The following TMEM68 variants were observed in gnomAD, a reference collection of about 807,000 sequenced individuals.
TMEM68 encodes the protein DGAT1/2-independent enzyme synthesizing storage lipids.
In TMEM68, 25 loss-of-function variants were observed where a neutral mutation model predicts 36.9. The observed-to-expected ratio is 0.68, with a 90% CI of 0.49 to 0.95. The LOEUF (loss-of-function observed/expected upper bound fraction) is 0.95, where lower values mean the gene tolerates loss of function less well. TMEM68 is among the 40% of genes least tolerant of loss of function. The probability of loss-of-function intolerance (pLI) is 0.00; values close to 1 mark genes in which losing one functional copy is unlikely to be tolerated. For synonymous variants in TMEM68, 131 were observed against 124.4 expected, an observed-to-expected ratio of 1.05 and a Z score of -0.35; for missense variants, 333 against 392.0, an observed-to-expected ratio of 0.85 and a Z score of 1.27.
At chr8:55,771,255 C>G (rs190054280) in intron 1 of TMEM68, among the ~76,000 whole-genome samples, 23 of 151,876 alleles carry the variant, frequency 1.5e-4, no homozygotes, top group Non-Finnish European at 3.1e-4. Flanking sequence ...ATTTCAAAAA[C>G]TAATAAATCA....
intron 3 of TMEM68, among the ~76,000 whole-genome samples, chr8:55,760,225 AATC>A (rs1276290624): frequency 1.3e-5 from 2 of 152,272 alleles, no homozygotes; most frequent in Non-Finnish European, 2.9e-5. Context: ...CTCAGAGGAA[AATC>A]ACAGAAGTTG....
chr8:55,740,260 A>G lies in TMEM68; in HGVS notation c.889-42T>C, dbSNP rs201406889. 2.8e-6 allele frequency: 4 copies of G among 1,452,218 alleles called. No homozygotes were observed. The East Asian group carries it at 9.1e-5, about 33-fold the overall frequency. The allele number at this position is 1,452,218 out of a possible 1,614,324, so 90.0% of individuals were successfully genotyped here. A position where few individuals can be genotyped will look rare whatever the true frequency, so the allele number is the denominator to read the frequency against. ...AGAAAAGCTATTGTTAGTAGATCTTAATATAGACTGATTTATCTCCCATTA... is the reference window on the plus strand; with the variant it reads ...AGAAAAGCTATTGTTAGTAGATCTTGATATAGACTGATTTATCTCCCATTA... On this transcript the variant is annotated intron_variant, in intron 7 of 7. Transcript: ENST00000434581.
At chr8:55,752,920 G>A (rs971935289) in intron 4 of TMEM68, among the ~76,000 whole-genome samples, 5 of 151,620 alleles carry the variant, frequency 3.3e-5, no homozygotes, top group African/African-American at 4.8e-5. Context: ...TAGCAGAAAC[G>A]AGGTCTTGCT....
chr8:55,750,165 A>T (rs901101379), intron 5 of TMEM68, among the ~76,000 whole-genome samples: 7 of 152,148 alleles, frequency 4.6e-5, no homozygotes, highest in African/African-American at 1.7e-4. Flanking sequence ...CATTATATTG[A>T]TTATTCTTAA....
intron 4 of TMEM68, chr8:55,751,490 A>C (rs1406100178): frequency 2.3e-6 from 1 of 440,760 alleles, no homozygotes; most frequent in Non-Finnish European, 4.4e-6. Flanking sequence ...ATAGGATTCT[A>C]ATGGGATTCA....
At chr8:55,768,664 A>C (rs1811050893) in intron 1 of TMEM68, among the ~76,000 whole-genome samples, 1 of 151,732 alleles carries the variant, frequency 6.6e-6, no homozygotes, top group African/African-American at 2.4e-5. Context: ...TGGGCAACAC[A>C]GTGAAACCCC....
Position 55,740,635 on chromosome 8 carries a change from A to G in TMEM68, c.889-417T>C, listed in dbSNP as rs576710415. Reference sequence around the variant, plus strand: ...AAACACTAAAGGGGACTTAAAGAGGAAAAAAAATAGAAAAATTTCGAGTAG... The same window carrying G: ...AAACACTAAAGGGGACTTAAAGAGGGAAAAAAATAGAAAAATTTCGAGTAG... On this transcript the variant is annotated intron_variant, in intron 7 of 7. Transcript: ENST00000434581. 1.3e-4 allele frequency among the ~76,000 whole-genome samples: 20 copies of G among 152,222 alleles called. 1 individual carries two copies. In the South Asian group the frequency reaches 3.9e-3, roughly 30 times the overall value.
At chr8:55,758,290 G>A (rs12680591) in intron 3 of TMEM68, among the ~76,000 whole-genome samples, 129,490 of 152,182 alleles carry the variant, frequency 0.85, 55,368 homozygotes, top group East Asian at 0.99. Context: ...ACCTCCAACC[G>A]ACCACCAATG....
intron 1 of TMEM68, among the ~76,000 whole-genome samples, chr8:55,769,547 AG>A (rs1206698262): frequency 6.6e-6 from 1 of 152,176 alleles, no homozygotes; most frequent in Admixed American, 6.6e-5. Flanking sequence ...TAGTTATCTA[AG>A]AAAACATACG....
At chr8:55,756,535 T>TC (rs1384360067) in intron 3 of TMEM68, 124 bp from the exon 4 acceptor site, 3 of 770,396 alleles carry the variant, frequency 3.9e-6, no homozygotes, top group Non-Finnish European at 5.9e-6. Context: ...TCTTCCCCTT[T>TC]CCCCCTTCTT....
intron 6 of TMEM68, among the ~76,000 whole-genome samples, chr8:55,744,694 T>C (rs961739385): frequency 6.6e-6 from 1 of 152,190 alleles, no homozygotes; most frequent in Admixed American, 6.5e-5. Context: ...TAGTTCAATA[T>C]CATATTTTCA....
intron 5 of TMEM68, chr8:55,746,341 A>AAAAAT (rs1810277452): frequency 6.7e-6 from 1 of 150,318 alleles, no homozygotes; most frequent in Non-Finnish European, 1.5e-5. Context: ...AAAAAAAAAA[A>AAAAAT]GAATTCTCCA....
intron 6 of TMEM68, 99 bp downstream of exon 6, chr8:55,744,962 T>C (rs1165315135): frequency 1.3e-5 from 9 of 709,702 alleles, no homozygotes. Flanking sequence ...ATATCCATTT[T>C]CTAAAGATAA....
chr8:55,751,946 C>T (rs1038661656), intron 4 of TMEM68, among the ~76,000 whole-genome samples: 2 of 152,190 alleles, frequency 1.3e-5, no homozygotes, highest in East Asian at 1.9e-4. Context: ...CGGTGGCTCA[C>T]GCCTGTAATA....
chr8:55,750,789 C>T lies in TMEM68; in HGVS notation c.687+175G>A, dbSNP rs1435924711. The stretch of plus-strand genomic sequence containing the variant: ...TCCTGACCTCATGATACATCCACCT[C>T]GGCCTCCCAAAGTGCTGAGATTACA... On this transcript the variant is annotated intron_variant, in intron 5 of 7. Transcript: ENST00000434581. 1.9e-5 allele frequency: 11 copies of T among 565,372 alleles called. No homozygotes were observed. The Middle Eastern group carries it at 1.4e-3, about 73-fold the overall frequency. 35.0% of individuals were successfully genotyped at this position (565,372 alleles called of 1,614,324 possible).
chr8:55,755,591 CT>C (rs10537043), intron 4 of TMEM68, among the ~76,000 whole-genome samples: 14,561 of 148,502 alleles, frequency 0.098, 1,229 homozygotes, highest in African/African-American at 0.23. Context: ...TATATCATGA[CT>C]TTTTTTTTTT....
chr8:55,765,919 C>T (rs1344379867), intron 1 of TMEM68, among the ~76,000 whole-genome samples: 2 of 151,816 alleles, frequency 1.3e-5, no homozygotes, highest in East Asian at 1.9e-4. Flanking sequence ...CTATTTAGCA[C>T]CTATGTACCC....
At chr8:55,772,621 GA>G (rs1416746518) in intron 1 of TMEM68, among the ~76,000 whole-genome samples, 1 of 152,178 alleles carries the variant, frequency 6.6e-6, no homozygotes, top group Non-Finnish European at 1.5e-5. Context: ...GCGCACAAAG[GA>G]AAGGTGTAAT....
intron 3 of TMEM68, among the ~76,000 whole-genome samples, chr8:55,757,159 C>T (rs938001720): frequency 5.3e-5 from 8 of 152,170 alleles, no homozygotes; most frequent in Non-Finnish European, 1.2e-4. Context: ...ACATCACTCC[C>T]ACCCTACTGA....
Sources: allele counts gnomAD v4.1 joint callset (sites outside exome capture counted in the v4.1 genomes callset), GRCh38; gene constraint gnomAD v4.1.1; transcripts MANE v1.5; gene names NCBI Gene and HGNC (gene_info 2026-07-23, HGNC 2026-07-21).